ACER3: variants seen among roughly 807,000 people sequenced by gnomAD.
The protein encoded by ACER3 is alkaline ceramidase 3.
ACER3 carries 16 observed loss-of-function variants against 48.9 expected under a neutral mutation model. The observed-to-expected ratio is 0.33, with a 90% confidence interval of 0.22 to 0.50. The LOEUF (loss-of-function observed/expected upper bound fraction) is 0.50. Ranked by LOEUF, ACER3 falls within the 20% of genes least tolerant of loss-of-function variation. The pLI is 0.98. For synonymous variants in ACER3, 109 were observed against 107.8 expected (o/e 1.01, Z -0.07); for missense variants, 227 against 326.0 (o/e 0.70, Z 2.34).
At chr11:76,936,300 A>G (rs2134892164) in intron 2 of ACER3, among the ~76,000 whole-genome samples, 2 of 152,326 alleles carry the variant, frequency 1.3e-5, no homozygotes, top group South Asian at 4.1e-4. Flanking sequence ...AATAAAGATG[A>G]CATCTCTAGT....
chr11:76,881,621 C>T (rs1208524999), intron 1 of ACER3, among the ~76,000 whole-genome samples: 1 of 152,094 alleles, frequency 6.6e-6, no homozygotes, highest in Non-Finnish European at 1.5e-5. Context: ...ATCCTACCTA[C>T]CTTGTTCTTT....
chr11:76,988,331 CT>C (rs1204781656), intron 5 of ACER3, among the ~76,000 whole-genome samples: 1 of 152,164 alleles, frequency 6.6e-6, no homozygotes, highest in Non-Finnish European at 1.5e-5. Context: ...GTATTAGTCC[CT>C]TCTCATGCTG....
In ACER3 at chr11:77,011,978, AT is replaced by A. The variant is rs536951013; in HGVS notation, c.498-3030del. ...TATAAAACACCTAGTCATGACATGT[AT>A]TTTTTTTAATCCCTTTAAAAATCAA... On this transcript the variant is annotated intron_variant, in intron 7 of 10. Transcript: ENST00000532485. Among the ~76,000 whole-genome samples, 376 of 151,978 alleles carry A rather than the reference AT, an allele frequency of 2.5e-3. 7 individuals carry two copies. Among genetic ancestry groups the A allele is most frequent in the African/African-American group, 8.3e-3 (344 of 41,478 alleles).
intron 1 of ACER3, among the ~76,000 whole-genome samples, chr11:76,882,476 T>G (rs1945554166): frequency 6.6e-6 from 1 of 152,220 alleles, no homozygotes; most frequent in South Asian, 2.1e-4. Context: ...TAGTTCTTCT[T>G]TATTATTTCT....
At position 76,926,537 on chromosome 11, in the gene ACER3, C is replaced by A. The variant is rs748245842; in HGVS notation, c.104-20C>A. 6.8e-7 allele frequency: 1 copy of A among 1,473,814 alleles called. No homozygotes were observed. Among genetic ancestry groups the A allele is most frequent in the South Asian group, 1.2e-5 (1 of 85,962 alleles). The allele number at this position is 1,473,814 out of a possible 1,614,324, so 91.3% of individuals were successfully genotyped here. A position where few individuals can be genotyped will look rare whatever the true frequency, so the allele number is the denominator to read the frequency against. ...TGTTATTGATTAACCTAAATGTCTTCTTATATTTTTCTCTTAAAGGGAATA... is the reference window on the plus strand; with the variant it reads ...TGTTATTGATTAACCTAAATGTCTTATTATATTTTTCTCTTAAAGGGAATA... On this transcript the variant is annotated intron_variant, in intron 1 of 10. Coordinates refer to ENST00000532485, the MANE Select transcript of ACER3 (RefSeq NM_018367.7).
At chr11:76,995,366 A>G (rs1303357892) in intron 6 of ACER3, among the ~76,000 whole-genome samples, 1 of 152,182 alleles carries the variant, frequency 6.6e-6, no homozygotes, top group Non-Finnish European at 1.5e-5. Flanking sequence ...ATGTTAACTT[A>G]GCAGAGAGGC....
At chr11:76,994,764 T>C (rs899286587) in intron 6 of ACER3, among the ~76,000 whole-genome samples, 1 of 152,200 alleles carries the variant, frequency 6.6e-6, no homozygotes, top group Non-Finnish European at 1.5e-5. Context: ...TTTAAAAGCA[T>C]CGGTATACTA....
intron 5 of ACER3, 57 bp from the exon 6 acceptor site, chr11:76,990,482 T>A: frequency 2.5e-6 from 3 of 1,212,240 alleles, no homozygotes; most frequent in Non-Finnish European, 3.7e-6. Context: ...TTGGAGTCGG[T>A]TTTTCCCCCC....
intron 1 of ACER3, among the ~76,000 whole-genome samples, chr11:76,893,195 G>T (rs1945850660): frequency 6.6e-6 from 1 of 152,056 alleles, no homozygotes; most frequent in South Asian, 2.1e-4. Context: ...TGAATCAGAA[G>T]AATTAATATT....
intron 3 of ACER3, among the ~76,000 whole-genome samples, chr11:76,973,784 G>A (rs1948369034): frequency 6.6e-6 from 1 of 152,086 alleles, no homozygotes. Flanking sequence ...TATGTTTTTG[G>A]TATCATAGCT....
chr11:76,904,687 G>C (rs1946172784), intron 1 of ACER3, among the ~76,000 whole-genome samples: 1 of 152,104 alleles, frequency 6.6e-6, no homozygotes, highest in Non-Finnish European at 1.5e-5. Context: ...GACCCGGCTG[G>C]AGATGAGGCA....
chr11:76,891,569 T>C (rs2134623561), intron 1 of ACER3, among the ~76,000 whole-genome samples: 2 of 152,062 alleles, frequency 1.3e-5, no homozygotes, highest in East Asian at 3.9e-4. Context: ...AAAGAGGGGG[T>C]TGGAGGAACC....
At chr11:76,892,555 G>GT (rs1301822750) in intron 1 of ACER3, among the ~76,000 whole-genome samples, 1 of 152,000 alleles carries the variant, frequency 6.6e-6, no homozygotes, top group Non-Finnish European at 1.5e-5. Flanking sequence ...CTTTAAAGCA[G>GT]TTTTTTTCAG....
chr11:76,967,677 C>T (rs938933603), intron 3 of ACER3, among the ~76,000 whole-genome samples: 1 of 152,132 alleles, frequency 6.6e-6, no homozygotes, highest in Non-Finnish European at 1.5e-5. Context: ...ATAAACAGAA[C>T]CAAAGACAAA....
chr11:76,928,554 C>G (rs188949330), intron 2 of ACER3, among the ~76,000 whole-genome samples: 2,907 of 152,146 alleles, frequency 0.019, 32 homozygotes, highest in Non-Finnish European at 0.023. Context: ...GTCCTGAATG[C>G]TATTGCCTAG....
chr11:76,990,447 G>A (rs1948775537), intron 5 of ACER3, 92 bp from the exon 6 acceptor site: 1 of 904,144 alleles, frequency 1.1e-6, no homozygotes, highest in African/African-American at 1.6e-5. Context: ...GGGGAAGCAG[G>A]AGAGGTTTGG....
intron 3 of ACER3, among the ~76,000 whole-genome samples, chr11:76,960,834 G>C (rs929643612): frequency 6.6e-6 from 1 of 152,178 alleles, no homozygotes; most frequent in African/African-American, 2.4e-5. Flanking sequence ...GCTCAGTGCA[G>C]AATAAGAAGG....
intron 1 of ACER3, among the ~76,000 whole-genome samples, chr11:76,879,548 A>G (rs7106009): frequency 0.11 from 16,529 of 152,174 alleles, 2,962 homozygotes; most frequent in African/African-American, 0.37. Flanking sequence ...ATATTTCATT[A>G]TTAGGTATAA....
Position 77,023,135 on chromosome 11 carries a change from T to C in ACER3, c.*2808T>C. The C allele has an allele frequency of 2.5e-6, 1 of 398,620 alleles. No individual in the cohort carries two copies. The highest frequency in any genetic ancestry group is 4.4e-6 in the Non-Finnish European group (1 of 226,062). The allele number at this position is 398,620 out of a possible 1,614,324, so 24.7% of individuals were successfully genotyped here. ...CACCTGAAGTGATCTTTTTAATCCT[T>C]GTGATAGTAAATGCATTGATAATTA... On this transcript the variant is annotated 3_prime_UTR_variant, in exon 11 of 11. Coordinates refer to ENST00000532485, the MANE Select transcript of ACER3 (RefSeq NM_018367.7).
Sources: allele counts gnomAD v4.1 joint callset (sites outside exome capture counted in the v4.1 genomes callset), GRCh38; gene constraint gnomAD v4.1.1; transcripts MANE v1.5; gene names NCBI Gene and HGNC (gene_info 2026-07-23, HGNC 2026-07-21).